NTN1: variants seen among roughly 807,000 people sequenced by gnomAD.
NTN1 encodes netrin 1.
In NTN1, 11 loss-of-function variants were observed where a neutral mutation model predicts 54.2. That is an observed-to-expected ratio of 0.20 (90% CI 0.13 to 0.34). The LOEUF (loss-of-function observed/expected upper bound fraction) is 0.34. Ranked by LOEUF, NTN1 falls within the 10% of genes least tolerant of loss-of-function variation. The probability of loss-of-function intolerance (pLI) is 1.00; values close to 1 mark genes in which losing one functional copy is unlikely to be tolerated. For synonymous variants in NTN1, 371 were observed against 382.0 expected, an observed-to-expected ratio of 0.97 and a Z score of 0.33; for missense variants, 740 against 893.1, an observed-to-expected ratio of 0.83 and a Z score of 2.18.
chr17:9,022,447 G>T lies in NTN1; in HGVS notation c.74G>T (p.Gly25Val). 2 of 1,456,870 alleles carry T rather than the reference G, an allele frequency of 1.4e-6. No individual in the cohort carries two copies. Among genetic ancestry groups the T allele is most frequent in the Non-Finnish European group, 1.8e-6 (2 of 1,112,164 alleles). The allele number at this position is 1,456,870 out of a possible 1,614,324, so 90.2% of individuals were successfully genotyped here. Reference protein sequence around the residue: ...VACLVGAVRGGPGLSMFAGQA... With the variant: ...VACLVGAVRGVPGLSMFAGQA... ...TGCCTGGTGGGCGCGGTGCGCGGCG[G>T]GCCCGGGCTCAGCATGTTCGCGGGC... Residue 25 changes from glycine (G) to valine (V), a missense_variant, in exon 2 of 7, where the codon GGG becomes GTG. Coordinates refer to ENST00000173229, the MANE Select transcript of NTN1 (RefSeq NM_004822.3).
intron 2 of NTN1, among the ~76,000 whole-genome samples, chr17:9,076,568 G>A (rs1462120837): frequency 6.6e-6 from 1 of 151,950 alleles, no homozygotes; most frequent in East Asian, 1.9e-4. Context: ...GGAGATAGGG[G>A]TCTCTCTATG....
chr17:9,051,238 G>A (rs987156967), intron 2 of NTN1, among the ~76,000 whole-genome samples: 2 of 152,170 alleles, frequency 1.3e-5, no homozygotes, highest in Non-Finnish European at 2.9e-5. Flanking sequence ...CCAGTGCCAG[G>A]CCTGGCTTGG....
At chr17:9,234,960 TTTGG>T (rs1905932401) in intron 6 of NTN1, among the ~76,000 whole-genome samples, 1 of 86,906 alleles carries the variant, frequency 1.2e-5, no homozygotes, top group African/African-American at 6.2e-5. Context: ...TTTTTTGTTT[TTTGG>T]TTTTTTTTTT....
chr17:9,217,291 C>A (rs1217207285), intron 5 of NTN1, among the ~76,000 whole-genome samples: 1 of 152,204 alleles, frequency 6.6e-6, no homozygotes, highest in Non-Finnish European at 1.5e-5. Context: ...TAGTCCACCA[C>A]CATCTGCCTT....
chr17:9,022,245 G>A (rs1447882062), intron 1 of NTN1, 66 bp from the exon 2 acceptor site: 2 of 1,069,926 alleles, frequency 1.9e-6, no homozygotes, highest in African/African-American at 3.3e-5. Context: ...ATCTCCGCTC[G>A]CCACCCCGCC....
At chr17:9,007,384 GTCTTTCTC>G in the NTN1 span, among the ~76,000 whole-genome samples, 6 of 105,770 alleles carry the variant, frequency 5.7e-5, no homozygotes, top group East Asian at 2.7e-4. Flanking sequence ...TTCCTTCCTT[GTCTTTCTC>G]TCTTTCTCTC....
At chr17:9,098,080 TC>T (rs2092137834) in intron 2 of NTN1, among the ~76,000 whole-genome samples, 1 of 152,180 alleles carries the variant, frequency 6.6e-6, no homozygotes, top group South Asian at 2.1e-4. Flanking sequence ...GTCAAGGACT[TC>T]CTACCGTTAT....
chr17:9,191,773 A>G (rs891497329), intron 5 of NTN1, among the ~76,000 whole-genome samples: 2 of 150,442 alleles, frequency 1.3e-5, no homozygotes, highest in African/African-American at 4.9e-5. Context: ...CATGCCTGTG[A>G]TCCCAGCACT....
chr17:9,209,043 C>T (rs567377170), intron 5 of NTN1, among the ~76,000 whole-genome samples: 24 of 152,346 alleles, frequency 1.6e-4, no homozygotes, highest in African/African-American at 5.5e-4. Context: ...ACCTGGAGCC[C>T]ATCACATGCA....
rs1414478874 is a variant in NTN1, at chr17:9,022,703, C to T, written c.330C>T (p.Asp110=). The T allele has an allele frequency of 1.9e-6, 3 of 1,599,498 alleles. No individual in the cohort carries two copies. The highest frequency in any genetic ancestry group is 1.3e-5 in the African/African-American group (1 of 74,304). Residue 110 remains aspartate, a synonymous_variant, in exon 2 of 7, where the codon GAC becomes GAT. Transcript: ENST00000173229. The part of the protein sequence containing the change: ...KKAHPPAFLT[D]LNNPHNLTCW... Reference sequence around the variant, plus strand: ...CGCACCCGCCCGCCTTCCTCACCGACCTCAACAACCCGCACAACCTGACGT... The same window carrying T: ...CGCACCCGCCCGCCTTCCTCACCGATCTCAACAACCCGCACAACCTGACGT...
At position 9,189,118 on chromosome 17, in the gene NTN1, C is replaced by T. The variant is rs541936277; in HGVS notation, c.1411+6149C>T. Among the ~76,000 whole-genome samples, 144 of 152,336 alleles carry T rather than the reference C, an allele frequency of 9.5e-4. 1 individual carries two copies. The highest frequency in any genetic ancestry group is 1.6e-3 in the Non-Finnish European group (111 of 68,034). On this transcript the variant is annotated intron_variant, in intron 5 of 6. Coordinates refer to ENST00000173229, the MANE Select transcript of NTN1 (RefSeq NM_004822.3). ...CATTTATATACATAAGATGCTTGCT[C>T]TGTGCTAGGCACTGTTTCAAATGCT...
the NTN1 span, among the ~76,000 whole-genome samples, chr17:9,009,222 C>T: frequency 1.4e-4 from 21 of 152,126 alleles, no homozygotes; most frequent in Non-Finnish European, 4.4e-5. Flanking sequence ...TCCCCAAGTA[C>T]CTGCTTGAAA....
intron 2 of NTN1, among the ~76,000 whole-genome samples, chr17:9,127,315 G>A (rs948776437): frequency 1.1e-4 from 17 of 152,236 alleles, no homozygotes; most frequent in Admixed American, 8.5e-4. Context: ...TGTGGGATCC[G>A]TGTGGAAGGC....
chr17:9,241,363 TCTC>T lies in NTN1; in HGVS notation c.*1398_*1400del, dbSNP rs1244830643. 4.6e-5 allele frequency: 7 copies of T among 152,538 alleles called. No homozygotes were observed. The highest frequency in any genetic ancestry group is 2.6e-4 in the Admixed American group (4 of 15,268). 9.4% of individuals were successfully genotyped at this position (152,538 alleles called of 1,614,324 possible). On this transcript the variant is annotated 3_prime_UTR_variant, in exon 7 of 7. Transcript: ENST00000173229. ...CTGTGCCCCAGCCCTCCTTCCAAAA[TCTC>T]CTAGAGACACGGTCCTCAAGCAGGC...
chr17:9,034,876 C>G (rs1012767635), intron 2 of NTN1, among the ~76,000 whole-genome samples: 4 of 152,192 alleles, frequency 2.6e-5, no homozygotes, highest in African/African-American at 9.6e-5. Context: ...AGAAGCTGAC[C>G]TGTGCGTCCA....
At chr17:9,053,295 G>T (rs1008460283) in intron 2 of NTN1, among the ~76,000 whole-genome samples, 1 of 152,086 alleles carries the variant, frequency 6.6e-6, no homozygotes, top group Non-Finnish European at 1.5e-5. Flanking sequence ...CCCTAGACCC[G>T]CTCTCTTTCT....
At chr17:9,077,557 C>T (rs1567704729) in intron 2 of NTN1, among the ~76,000 whole-genome samples, 1 of 152,104 alleles carries the variant, frequency 6.6e-6, no homozygotes, top group South Asian at 2.1e-4. Context: ...TTGTGAAGAC[C>T]AAATCAGCTA....
intron 2 of NTN1, among the ~76,000 whole-genome samples, chr17:9,102,385 T>TA (rs138474896): frequency 0.075 from 11,419 of 152,124 alleles, 615 homozygotes; most frequent in Non-Finnish European, 0.11. Context: ...GGAAGCCCCT[T>TA]AAAAAACCAT....
chr17:9,064,522 C>T (rs912508893), intron 2 of NTN1, among the ~76,000 whole-genome samples: 1 of 152,148 alleles, frequency 6.6e-6, no homozygotes, highest in Admixed American at 6.5e-5. Context: ...CCCTCTTTTT[C>T]TTTCACTCCC....
Sources: gnomAD v4.1 joint callset for allele counts (sites outside exome capture counted in the v4.1 genomes callset) on GRCh38, gnomAD v4.1.1 for gene constraint, MANE v1.5 for transcripts, NCBI Gene and HGNC (gene_info 2026-07-23, HGNC 2026-07-21) for gene names.